Variants in ZDHHC1 observed in about 807,000 individuals in gnomAD.
ZDHHC1 encodes palmitoyltransferase ZDHHC1.
ZDHHC1 carries 45 observed loss-of-function variants against 46.9 expected under a neutral mutation model. That is an observed-to-expected ratio of 0.96 (90% CI 0.76 to 1.23). The LOEUF (loss-of-function observed/expected upper bound fraction) is 1.23, where lower values mean the gene tolerates loss of function less well. Among genes scored for constraint, ZDHHC1 ranks in the 50% most tolerant of loss-of-function variants. ZDHHC1 has a pLI of 0.00. For missense variants in ZDHHC1, 649 were observed against 670.8 expected, an observed-to-expected ratio of 0.97 and a Z score of 0.36; for synonymous variants, 291 against 286.0, an observed-to-expected ratio of 1.02 and a Z score of -0.18.
chr16:67,404,639 T>C, intron 3 of ZDHHC1: 1 of 453,996 alleles, frequency 2.2e-6, no homozygotes, highest in Admixed American at 2.4e-5. Flanking sequence ...CAGTCAGGCT[T>C]CCTGGGCAGC....
intron 1 of ZDHHC1, among the ~76,000 whole-genome samples, chr16:67,413,316 T>C (rs984514746): frequency 6.6e-6 from 1 of 152,150 alleles, no homozygotes; most frequent in African/African-American, 2.4e-5. Flanking sequence ...TTGAAATAAT[T>C]TTCACTGAGA....
chr16:67,414,415 C>A (rs1034784544), intron 1 of ZDHHC1, among the ~76,000 whole-genome samples: 10 of 152,168 alleles, frequency 6.6e-5, no homozygotes, highest in African/African-American at 2.2e-4. Context: ...GTGTCTGAAC[C>A]CAGCTCTCTT....
In ZDHHC1 at chr16:67,394,418, G is replaced by T; in HGVS notation, c.*192C>A. 1 of 343,428 alleles carries T rather than the reference G, an allele frequency of 2.9e-6. No homozygotes were observed. The highest frequency in any genetic ancestry group is 4.4e-6 in the Non-Finnish European group (1 of 226,246). 21.3% of individuals were successfully genotyped at this position (343,428 alleles called of 1,614,324 possible). A position where few individuals can be genotyped will look rare whatever the true frequency, so the allele number is the denominator to read the frequency against. ...CTGCCATTAAGAAAGTAAGCGCGACGTCCGCAAAAGCATAAAAAAGTTTAT... is the reference window on the plus strand; with the variant it reads ...CTGCCATTAAGAAAGTAAGCGCGACTTCCGCAAAAGCATAAAAAAGTTTAT... On this transcript the variant is annotated 3_prime_UTR_variant, in exon 12 of 12. Transcript: ENST00000565726.
intron 8 of ZDHHC1, among the ~76,000 whole-genome samples, chr16:67,397,677 G>A (rs992474986): frequency 1.3e-5 from 2 of 152,120 alleles, no homozygotes; most frequent in East Asian, 1.9e-4. Flanking sequence ...GCCATGGGGC[G>A]TGGGAATGGG....
At chr16:67,411,437 C>G (rs902416718) in intron 1 of ZDHHC1, among the ~76,000 whole-genome samples, 1 of 152,194 alleles carries the variant, frequency 6.6e-6, no homozygotes, top group Non-Finnish European at 1.5e-5. Flanking sequence ...CACTCACAGA[C>G]TGAGGAACAT....
chr16:67,395,323 A>T (rs1253595242), intron 9 of ZDHHC1, 43 bp from the exon 10 acceptor site: 1 of 1,496,508 alleles, frequency 6.7e-7, no homozygotes, highest in Non-Finnish European at 8.9e-7. Context: ...CTGTTCCCCA[A>T]ATCCCTCCCC....
chr16:67,406,030 G>C lies in ZDHHC1; in HGVS notation c.252+170C>G, dbSNP rs2040648100. On this transcript the variant is annotated intron_variant, in intron 3 of 11. Coordinates refer to ENST00000565726, the MANE Select transcript of ZDHHC1 (RefSeq NM_001323627.2). This position sits in a 1 kb window ranked among gnomAD's most constrained non-coding sequence, Gnocchi z 4.1. ...CCCTATCAGGTGGAGAGGTCAGGTG[G>C]AGGCTGGAGACAGGCTGGGAAGCAG... 6.6e-6 allele frequency among the ~76,000 whole-genome samples: 1 copy of C among 152,206 alleles called. No individual in the cohort carries two copies. The highest frequency in any genetic ancestry group is 2.4e-5 in the African/African-American group (1 of 41,450).
In ZDHHC1 at chr16:67,399,451, G is replaced by A. The variant is rs1171939916; in HGVS notation, c.434C>T (p.Ala145Val). The A allele has an allele frequency of 6.2e-7, 1 of 1,611,804 alleles. No homozygotes were observed. Among genetic ancestry groups the A allele is most frequent in the Non-Finnish European group, 8.5e-7 (1 of 1,178,866 alleles). ...HCNLCNVDVS[A>V]RSKHCSACNK... ...GCAGGCGCTGCAGTGCTTGGAGCGA[G>A]CGCTCCTGCAGGGAGAGGGGGCACA... The change falls in exon 5 of 12, where the codon GCT (alanine) becomes GTT (valine). Residue 145 changes from alanine (A) to valine (V), a missense_variant. Coordinates refer to ENST00000565726, the MANE Select transcript of ZDHHC1 (RefSeq NM_001323627.2).
chr16:67,399,985 G>A (rs1411620571), intron 4 of ZDHHC1, among the ~76,000 whole-genome samples: 1 of 152,222 alleles, frequency 6.6e-6, no homozygotes, highest in Non-Finnish European at 1.5e-5. Context: ...TGCCATCCGC[G>A]TGAGCATGCA....
intron 8 of ZDHHC1, 144 bp from the exon 9 acceptor site, chr16:67,395,710 A>AC: frequency 1.2e-6 from 1 of 801,874 alleles, no homozygotes; most frequent in South Asian, 1.7e-5. Flanking sequence ...TGCTGGGAAA[A>AC]CCCCATCTGT....
intron 9 of ZDHHC1, 31 bp from the exon 10 acceptor site, chr16:67,395,311 G>A (rs2040407372): frequency 7.3e-6 from 11 of 1,503,252 alleles, no homozygotes; most frequent in Non-Finnish European, 8.9e-6. Flanking sequence ...TAAGCCTGGG[G>A]CCTGTTCCCC....
At chr16:67,399,865 T>G (rs2040515513) in intron 4 of ZDHHC1, among the ~76,000 whole-genome samples, 1 of 152,030 alleles carries the variant, frequency 6.6e-6, no homozygotes, top group African/African-American at 2.4e-5. Flanking sequence ...TCCCGACACC[T>G]CCGGCAGTGG....
In ZDHHC1 at chr16:67,394,625, CT is replaced by C; in HGVS notation, c.1433del (p.Glu478GlyfsTer76). 1 of 1,197,442 alleles carries C rather than the reference CT, an allele frequency of 8.4e-7. No individual in the cohort carries two copies. The highest frequency in any genetic ancestry group is 3.6e-5 in the South Asian group (1 of 27,708). 74.2% of individuals were successfully genotyped at this position (1,197,442 alleles called of 1,614,324 possible). A position where few individuals can be genotyped will look rare whatever the true frequency, so the allele number is the denominator to read the frequency against. ...CTCGGCCCAGCTAAGCCAGACCAGC[CT>C]CCCGGCCGCCCGGCGCCCTGGGCTC... ...SGEPRAPGGR[E>X]AGLA is the part of the protein sequence containing the mutation. On this transcript the variant is annotated frameshift_variant, in exon 12 of 12. Transcript: ENST00000565726. LOFTEE classifies it high-confidence loss of function.
intron 8 of ZDHHC1, among the ~76,000 whole-genome samples, chr16:67,396,617 C>T (rs1232237862): frequency 6.6e-6 from 1 of 152,172 alleles, no homozygotes; most frequent in East Asian, 1.9e-4. Context: ...GGGAGGAGCC[C>T]AGCCAGCGGC....
chr16:67,412,952 C>T (rs1029949314), intron 1 of ZDHHC1, among the ~76,000 whole-genome samples: 4 of 151,852 alleles, frequency 2.6e-5, no homozygotes, highest in Admixed American at 6.6e-5. Context: ...AGGTGCCCGC[C>T]GCCACGCCCG....
rs192532070 is a variant in ZDHHC1, at chr16:67,403,071, G to C, written c.253-1939C>G. Among the ~76,000 whole-genome samples, 715 of 152,346 alleles carry C rather than the reference G, an allele frequency of 4.7e-3. 29 individuals are homozygous for C. The highest frequency in any genetic ancestry group is 0.043 in the Admixed American group (651 of 15,304). ...AGGAAGTATTGTCTCAGCTGAGACA[G>C]AGAGGAATGGATTCCAGGGACCTGG... is the stretch of plus-strand genomic sequence containing the variant. On this transcript the variant is annotated intron_variant, in intron 3 of 11. Transcript: ENST00000565726.
Position 67,411,810 on chromosome 16 carries a change from C to T in ZDHHC1, c.-38-3997G>A, listed in dbSNP as rs546438948. Among the ~76,000 whole-genome samples, 4 of 152,240 alleles carry T rather than the reference C, an allele frequency of 2.6e-5. No individual in the cohort carries two copies. In the South Asian group the frequency reaches 8.3e-4, roughly 32 times the overall value. Reference sequence around the variant, plus strand: ...GAAGAACACTTGTAGATGGCGCTACCAAGTGAATGAAAACAAAGGGGGCCG... The same window carrying T: ...GAAGAACACTTGTAGATGGCGCTACTAAGTGAATGAAAACAAAGGGGGCCG... On this transcript the variant is annotated intron_variant, in intron 1 of 11. Coordinates refer to ENST00000565726, the MANE Select transcript of ZDHHC1 (RefSeq NM_001323627.2).
In ZDHHC1 at chr16:67,401,209, C is replaced by T; in HGVS notation, c.253-77G>A. ...CCCGTTCCTTGCAGCCAGAGAACTC[C>T]CCACTGCCATGCCAGCCCGCTTTGT... On this transcript the variant is annotated intron_variant, in intron 3 of 11. Coordinates refer to ENST00000565726, the MANE Select transcript of ZDHHC1 (RefSeq NM_001323627.2). The surrounding 1 kb of genome is among the most constrained non-coding windows in gnomAD (Gnocchi z 4.6). 1.3e-6 allele frequency: 2 copies of T among 1,558,698 alleles called. No individual in the cohort carries two copies. Among genetic ancestry groups the T allele is most frequent in the Non-Finnish European group, 1.7e-6 (2 of 1,153,120 alleles).
At position 67,398,080 on chromosome 16, in the gene ZDHHC1, C is replaced by G. The variant is rs912553522; in HGVS notation, c.927+132G>C. The G allele has an allele frequency of 5.6e-6, 5 of 888,638 alleles. No homozygotes were observed. The Admixed American group carries it at 1.1e-4, about 20-fold the overall frequency. 55.0% of individuals were successfully genotyped at this position (888,638 alleles called of 1,614,324 possible). On this transcript the variant is annotated intron_variant, in intron 8 of 11. Transcript: ENST00000565726. ...TGGGCGAGCAGGCACACGCTCAGCA[C>G]AAGCCCGGTCCCTGCTGCCCCCAGC...
Sources: gnomAD v4.1 joint callset for allele counts (sites outside exome capture counted in the v4.1 genomes callset) on GRCh38, gnomAD v4.1.1 for gene constraint, Gnocchi (gnomAD v3.1) non-coding constraint, MANE v1.5 for transcripts, NCBI Gene and HGNC (gene_info 2026-07-23, HGNC 2026-07-21) for gene names.